SLFN12L: variants seen among roughly 807,000 people sequenced by gnomAD.
SLFN12L encodes the protein schlafen family member 12 like.
SLFN12L carries 34 observed loss-of-function variants against 34.8 expected under a neutral mutation model. That is an observed-to-expected ratio of 0.98 (90% CI 0.74 to 1.30). SLFN12L has a LOEUF of 1.30. Ranked by LOEUF, SLFN12L falls within the 50% of genes most tolerant of loss-of-function variation. The pLI is 0.00. For missense variants in SLFN12L, 703 were observed against 696.2 expected (o/e 1.01, Z -0.11); for synonymous variants, 259 against 247.5 (o/e 1.05, Z -0.44).
intron 2 of SLFN12L, chr17:35,490,608 G>A (rs1914798908): frequency 1.7e-5 from 14 of 840,980 alleles, no homozygotes; most frequent in Non-Finnish European, 2.7e-5. Context: ...CAAAAGAAAT[G>A]ACCAAGCTCA....
At chr17:35,531,640 G>A (rs2072411908) in intron 1 of SLFN12L, among the ~76,000 whole-genome samples, 1 of 151,716 alleles carries the variant, frequency 6.6e-6, no homozygotes, top group African/African-American at 2.4e-5. Context: ...TTTTGAGATG[G>A]AGTTTCACTC....
intron 2 of SLFN12L, among the ~76,000 whole-genome samples, chr17:35,485,763 C>T (rs1914555500): frequency 6.6e-6 from 1 of 152,152 alleles, no homozygotes; most frequent in Non-Finnish European, 1.5e-5. Flanking sequence ...GTCCTTTCTC[C>T]ATTGGTTATT....
At chr17:35,508,783 C>A (rs1915547830) in intron 2 of SLFN12L, among the ~76,000 whole-genome samples, 1 of 151,994 alleles carries the variant, frequency 6.6e-6, no homozygotes, top group African/African-American at 2.4e-5. Context: ...AGGAATATTG[C>A]CTGCATTTTC....
At chr17:35,485,059 T>C (rs1269550955) in intron 2 of SLFN12L, among the ~76,000 whole-genome samples, 2 of 152,248 alleles carry the variant, frequency 1.3e-5, no homozygotes, top group East Asian at 3.8e-4. Flanking sequence ...TTTTGATTTC[T>C]ATAAAATCAA....
At chr17:35,477,002 T>C (rs1453591016) in intron 4 of SLFN12L, among the ~76,000 whole-genome samples, 2 of 152,202 alleles carry the variant, frequency 1.3e-5, no homozygotes, top group East Asian at 3.8e-4. Flanking sequence ...AACTGTTACA[T>C]CTTTTTTAAA....
In SLFN12L at chr17:35,468,523, C is replaced by T. The variant is rs923473383; in HGVS notation, c.*6400G>A. 6.6e-6 allele frequency among the ~76,000 whole-genome samples: 1 copy of T among 152,202 alleles called. No homozygotes were observed. Among genetic ancestry groups the T allele is most frequent in the African/African-American group, 2.4e-5 (1 of 41,452 alleles). Reference sequence around the variant, plus strand: ...CCTTCACCCCAGTGACACCCATGGACTGCCTCTTCTCAGGCACAAACTGCA... The same window carrying T: ...CCTTCACCCCAGTGACACCCATGGATTGCCTCTTCTCAGGCACAAACTGCA... On this transcript the variant is annotated 3_prime_UTR_variant, in exon 5 of 5. Transcript: ENST00000628453.
chr17:35,535,431 A>C (rs2072450752), intron 1 of SLFN12L, among the ~76,000 whole-genome samples: 1 of 151,006 alleles, frequency 6.6e-6, no homozygotes, highest in Non-Finnish European at 1.5e-5. Flanking sequence ...TCCCGACCTC[A>C]GGTGATCCGC....
Position 35,479,327 on chromosome 17 carries a change from A to C in SLFN12L, c.955T>G (p.Cys319Gly). ...TAATTTATCGTCCCCTTCTCCACACAGAAGTGATGCACAGGCAGTTTCCCA... is the reference window on the plus strand; with the variant it reads ...TAATTTATCGTCCCCTTCTCCACACCGAAGTGATGCACAGGCAGTTTCCCA... ...SIGKLPVHHF[C>G]VEKGTINYLC... Residue 319 changes from cysteine (C) to glycine (G), a missense_variant, in exon 3 of 5, where the codon TGT (cysteine) becomes GGT (glycine). Cys to Gly is a radical substitution (Grantham distance 159). Transcript: ENST00000628453. The C allele has an allele frequency of 6.3e-7, 1 of 1,587,650 alleles. No individual in the cohort carries two copies. Among genetic ancestry groups the C allele is most frequent in the Non-Finnish European group, 8.6e-7 (1 of 1,165,260 alleles).
chr17:35,510,529 T>C (rs979545671), intron 2 of SLFN12L, among the ~76,000 whole-genome samples: 4 of 152,172 alleles, frequency 2.6e-5, no homozygotes, highest in Admixed American at 6.5e-5. Context: ...ATTCCTATTA[T>C]AGGAAATATC....
Position 35,480,189 on chromosome 17 carries a change from T to G in SLFN12L, c.93A>C (p.Glu31Asp), listed in dbSNP as rs756554480. ...CAGCTAAGCCATTTCCACGCAGAAA[T>G]TCTTTTCTGTAAAATAGAGCCGTTA... ...SQFLRNFIRK[E>D]FLRGNGLAAG... is the part of the protein sequence containing the mutation. The change falls in exon 3 of 5, where the codon GAA becomes GAC. Residue 31 changes from glutamate to aspartate, a missense_variant. Physicochemically the swap from Glu to Asp is conservative, Grantham distance 45. Transcript: ENST00000628453. The G allele has an allele frequency of 3.8e-6, 6 of 1,577,886 alleles. No homozygotes were observed. In the Admixed American group the frequency reaches 9.4e-5, roughly 25 times the overall value.
In SLFN12L at chr17:35,512,216, G is replaced by A. The variant is rs530971129; in HGVS notation, c.86+10063C>T. Among the ~76,000 whole-genome samples the A allele has an allele frequency of 1.7e-4, 22 of 129,098 alleles. No homozygotes were observed. In the South Asian group the frequency reaches 4.0e-3, roughly 23 times the overall value. 84.7% of individuals were successfully genotyped at this position (129,098 alleles called of 152,430 possible). ...GTCGCCCAGGCTGGAGTGCAGTGGC[G>A]TGGTCTCAGCTCACTGCAAGCTCCG... On this transcript the variant is annotated intron_variant, in intron 2 of 4. Transcript: ENST00000628453.
intron 2 of SLFN12L, among the ~76,000 whole-genome samples, chr17:35,517,286 G>C (rs763266814): frequency 6.6e-6 from 1 of 152,100 alleles, no homozygotes; most frequent in Non-Finnish European, 1.5e-5. Context: ...AATCATGAGT[G>C]AACTCCCATT....
At chr17:35,502,385 G>A (rs1002567911) in intron 2 of SLFN12L, among the ~76,000 whole-genome samples, 4 of 118,372 alleles carry the variant, frequency 3.4e-5, no homozygotes, top group African/African-American at 6.4e-5. Context: ...CTCATTGTGA[G>A]CACACCTCAC....
chr17:35,488,119 G>A (rs980054913), intron 2 of SLFN12L, among the ~76,000 whole-genome samples: 5 of 152,246 alleles, frequency 3.3e-5, no homozygotes, highest in Admixed American at 3.3e-4. Flanking sequence ...TGAGGCAGGA[G>A]AATGGCGTGA....
At chr17:35,532,957 T>A (rs913714541) in intron 1 of SLFN12L, among the ~76,000 whole-genome samples, 3 of 152,342 alleles carry the variant, frequency 2.0e-5, no homozygotes, top group South Asian at 2.1e-4. Context: ...ATTAAATATA[T>A]ATTGTTTGAC....
intron 2 of SLFN12L, among the ~76,000 whole-genome samples, chr17:35,515,931 C>T (rs578195614): frequency 4.6e-5 from 7 of 152,082 alleles, no homozygotes; most frequent in Admixed American, 1.3e-4. Flanking sequence ...CGTGAGCCAC[C>T]GCACCCCGCC....
intron 2 of SLFN12L, among the ~76,000 whole-genome samples, chr17:35,508,704 AT>A (rs1240226240): frequency 6.6e-6 from 1 of 152,058 alleles, no homozygotes; most frequent in African/African-American, 2.4e-5. Context: ...TTATATTTGA[AT>A]TTTCAAACTT....
intron 2 of SLFN12L, among the ~76,000 whole-genome samples, chr17:35,489,751 G>T (rs1263892955): frequency 1.3e-5 from 2 of 152,134 alleles, no homozygotes; most frequent in Non-Finnish European, 2.9e-5. Context: ...TTTGACTCTT[G>T]AAAGTTATCC....
rs1261649431 is a variant in SLFN12L, at chr17:35,468,354, C to A, written c.*6569G>T. 1.3e-5 allele frequency among the ~76,000 whole-genome samples: 2 copies of A among 152,154 alleles called. No homozygotes were observed. Among genetic ancestry groups the A allele is most frequent in the East Asian group, 3.9e-4 (2 of 5,192 alleles). On this transcript the variant is annotated 3_prime_UTR_variant, in exon 5 of 5. Coordinates refer to ENST00000628453, the MANE Select transcript of SLFN12L (RefSeq NM_001363830.2). ...AGTCTGTATTTACTTAAAAGAAATA[C>A]TCAAGACCCATATCCTAGATGACAT...
Sources: allele counts gnomAD v4.1 joint callset (sites outside exome capture counted in the v4.1 genomes callset), GRCh38; gene constraint gnomAD v4.1.1; transcripts MANE v1.5; gene names NCBI Gene and HGNC (gene_info 2026-07-23, HGNC 2026-07-21).